The following MCU variants were observed in gnomAD, a reference collection of about 807,000 sequenced individuals.
MCU encodes the protein calcium uniporter protein, mitochondrial.
Under a neutral mutation model 45.2 loss-of-function variants are expected in MCU, and 12 were observed. The observed-to-expected ratio is 0.27, with a 90% confidence interval of 0.17 to 0.43. The LOEUF (loss-of-function observed/expected upper bound fraction) is 0.43. Among genes scored for constraint, MCU ranks in the 20% least tolerant of loss-of-function variants. MCU has a pLI of 1.00. For missense variants in MCU, 324 were observed against 436.7 expected, an observed-to-expected ratio of 0.74 and a Z score of 2.30; for synonymous variants, 160 against 165.1, an observed-to-expected ratio of 0.97 and a Z score of 0.24.
chr10:72,798,675 G>A (rs890619266), intron 1 of MCU, among the ~76,000 whole-genome samples: 1 of 151,966 alleles, frequency 6.6e-6, no homozygotes, highest in Non-Finnish European at 1.5e-5. Context: ...TACTGGAGTA[G>A]TATGTGTTGT....
At chr10:72,724,015 CT>C (rs1309102821) in intron 1 of MCU, among the ~76,000 whole-genome samples, 1 of 152,176 alleles carries the variant, frequency 6.6e-6, no homozygotes, top group African/African-American at 2.4e-5. Context: ...ATCCTTTTGT[CT>C]CTAGATTTGC....
intron 1 of MCU, among the ~76,000 whole-genome samples, chr10:72,757,546 T>C (rs1843595902): frequency 6.6e-6 from 1 of 152,100 alleles, no homozygotes; most frequent in Non-Finnish European, 1.5e-5. Context: ...ATAAAAGTAG[T>C]TTTTTAAAAG....
chr10:72,744,379 G>T (rs1589441183), intron 1 of MCU, among the ~76,000 whole-genome samples: 1 of 152,286 alleles, frequency 6.6e-6, no homozygotes, highest in East Asian at 1.9e-4. Context: ...AAATGAAGAA[G>T]AATTTGGTGG....
At chr10:72,797,145 A>C (rs750448608) in intron 1 of MCU, among the ~76,000 whole-genome samples, 9 of 151,990 alleles carry the variant, frequency 5.9e-5, no homozygotes, top group Non-Finnish European at 1.3e-4. Flanking sequence ...AAGAAGTAAA[A>C]GTCTCCTGTT....
chr10:72,832,285 A>G (rs111845759), intron 1 of MCU, among the ~76,000 whole-genome samples: 1 of 152,284 alleles, frequency 6.6e-6, no homozygotes, highest in Non-Finnish European at 1.5e-5. Context: ...TTCATAACTG[A>G]TAAGAGATTA....
intron 1 of MCU, chr10:72,766,537 T>A (rs1401168553): frequency 6.6e-6 from 1 of 152,202 alleles, no homozygotes; most frequent in African/African-American, 2.4e-5. Context: ...CTAGAACCCT[T>A]GAATATTTTT....
chr10:72,712,732 T>C (rs1037334842), intron 1 of MCU, among the ~76,000 whole-genome samples: 9 of 152,334 alleles, frequency 5.9e-5, no homozygotes, highest in Admixed American at 5.9e-4. Flanking sequence ...ATTCTGTACA[T>C]ATTAGTCAAT....
intron 1 of MCU, among the ~76,000 whole-genome samples, chr10:72,823,423 A>G (rs758893767): frequency 2.6e-5 from 4 of 152,218 alleles, no homozygotes; most frequent in Non-Finnish European, 5.9e-5. Context: ...ACTGGTCCCC[A>G]TGTGATCCCT....
chr10:72,703,136 C>A (rs1842779222), intron 1 of MCU, among the ~76,000 whole-genome samples: 1 of 152,118 alleles, frequency 6.6e-6, no homozygotes, highest in African/African-American at 2.4e-5. Flanking sequence ...GGAGTATGCG[C>A]AAGAATAGCT....
chr10:72,882,431 CT>C (rs1845717690), intron 6 of MCU, among the ~76,000 whole-genome samples: 1 of 152,154 alleles, frequency 6.6e-6, no homozygotes, highest in African/African-American at 2.4e-5. Context: ...TCGCTGAATT[CT>C]TTTTCTCAGC....
chr10:72,851,655 C>A (rs916828970), intron 2 of MCU, among the ~76,000 whole-genome samples: 3 of 152,128 alleles, frequency 2.0e-5, no homozygotes, highest in African/African-American at 7.2e-5. Context: ...ATCTTAGGTT[C>A]TACAACAGTG....
At chr10:72,852,727 CAG>C (rs1845225808) in intron 2 of MCU, among the ~76,000 whole-genome samples, 1 of 152,112 alleles carries the variant, frequency 6.6e-6, no homozygotes. Context: ...ATTTATGAGA[CAG>C]AGGTTTACAG....
Position 72,868,760 on chromosome 10 carries a change from A to G in MCU, c.554A>G (p.Gln185Arg), listed in dbSNP as rs1845497028. 1.2e-6 allele frequency: 2 copies of G among 1,614,080 alleles called. No individual in the cohort carries two copies. ...TLNDVKTLVQ[Q>R]LYTTLCIEQH... ...AATGATGTAAAGACATTGGTCCAGC[A>G]ACTATACACCACACTGTGCATTGAG... The change falls in exon 5 of 8, where the codon CAA becomes CGA. Residue 185 changes from glutamine (Q) to arginine (R), a missense_variant. Gln to Arg is a conservative substitution (Grantham distance 43). Coordinates refer to ENST00000373053, the MANE Select transcript of MCU (RefSeq NM_138357.3).
At chr10:72,820,888 C>T (rs1272603371) in intron 1 of MCU, among the ~76,000 whole-genome samples, 2 of 151,616 alleles carry the variant, frequency 1.3e-5, no homozygotes, top group Non-Finnish European at 2.9e-5. Context: ...TACTACTTTC[C>T]ATACGTGTTC....
intron 1 of MCU, among the ~76,000 whole-genome samples, chr10:72,751,330 T>A (rs993111388): frequency 2.3e-5 from 3 of 132,086 alleles, no homozygotes; most frequent in South Asian, 5.0e-4. Context: ...CTCTAACATC[T>A]TCTTCTTCTT....
chr10:72,859,954 T>C (rs1845351155), intron 3 of MCU: 1 of 153,254 alleles, frequency 6.5e-6, no homozygotes, highest in Non-Finnish European at 1.5e-5. Flanking sequence ...ACATTTCTAC[T>C]CATCTGGCAA....
intron 1 of MCU, among the ~76,000 whole-genome samples, chr10:72,775,779 T>C (rs1033436637): frequency 1.3e-5 from 2 of 152,134 alleles, no homozygotes; most frequent in African/African-American, 4.8e-5. Context: ...AAGAAAAGGA[T>C]AAATTCCTGG....
rs537022693 is a variant in MCU at position 72,873,019 on chromosome 10, T to G, written c.861+1439T>G. On this transcript the variant is annotated intron_variant, in intron 6 of 7. Transcript: ENST00000373053. ...TTGTTTTTTTGTTTTTTGGGTTTTT[T>G]TTTTTTTTTTTTTTTTTGAGATGGA... is the stretch of plus-strand genomic sequence containing the variant. Among the ~76,000 whole-genome samples, 754 of 136,882 alleles carry G rather than the reference T, an allele frequency of 5.5e-3. 6 individuals are homozygous for G. The highest frequency in any genetic ancestry group is 0.019 in the African/African-American group (701 of 36,334). The allele number at this position is 136,882 out of a possible 152,430, so 89.8% of individuals were successfully genotyped here.
chr10:72,788,640 T>TA (rs892683872), intron 1 of MCU, among the ~76,000 whole-genome samples: 60 of 152,058 alleles, frequency 3.9e-4, no homozygotes, highest in Non-Finnish European at 6.5e-4. Flanking sequence ...AGACCCTGTC[T>TA]AAAAAAACAA....
Sources: allele counts gnomAD v4.1 joint callset (sites outside exome capture counted in the v4.1 genomes callset), GRCh38; gene constraint gnomAD v4.1.1; transcripts MANE v1.5; gene names NCBI Gene and HGNC (gene_info 2026-07-23, HGNC 2026-07-21).